Variants in KIAA1210 observed in about 807,000 individuals in gnomAD.
KIAA1210 encodes the protein KIAA1210.
A neutral mutation model predicts 78.9 loss-of-function variants in KIAA1210; 48 were observed. The observed-to-expected ratio is 0.61, with a 90% CI of 0.48 to 0.77. The LOEUF (loss-of-function observed/expected upper bound fraction) is 0.77, where lower values mean the gene tolerates loss of function less well. Among genes scored for constraint, KIAA1210 ranks in the 30% least tolerant of loss-of-function variants. The pLI is 0.00. For synonymous variants in KIAA1210, 406 were observed against 404.5 expected (o/e 1.00, Z -0.04); for missense variants, 1,108 against 1,100.0 (o/e 1.01, Z -0.10).
Position 119,088,541 on chromosome X carries a change from T to C in KIAA1210, c.2161A>G (p.Asn721Asp). 8.3e-7 allele frequency: 1 copy of C among 1,211,109 alleles called. No individual in the cohort carries two copies. Among genetic ancestry groups the C allele is most frequent in the East Asian group, 3.0e-5 (1 of 33,834 alleles). Reference protein sequence around the residue: ...NQQEVSSASNNTPEEQNDFMQ... With the variant: ...NQQEVSSASNDTPEEQNDFMQ... ...AAATCATTCTGCTCTTCAGGAGTAT[T>C]ATTTGAAGCAGAGGAGACTTCTTGT... Residue 721 changes from asparagine (N) to aspartate (D), a missense_variant, in exon 9 of 12, where the codon AAT (asparagine) becomes GAT (aspartate). This residue lies in a region of KIAA1210 where 672 missense variants were observed against 607.1 expected (regional missense o/e 1.11). Transcript: ENST00000691062.
chrX:119,094,784 A>G (rs772821874), intron 7 of KIAA1210, among the ~76,000 whole-genome samples: 21 of 111,432 alleles, frequency 1.9e-4, no homozygotes, highest in Non-Finnish European at 3.4e-4. Context: ...CACAGGGAAG[A>G]AGTGGATGCT....
intron 5 of KIAA1210, 78 bp from the exon 6 acceptor site, chrX:119,105,225 T>TAAAG: frequency 2.0e-6 from 2 of 977,202 alleles, no homozygotes; most frequent in Non-Finnish European, 2.7e-6. Flanking sequence ...TCTTATTCTT[T>TAAAG]AATAAGAGTA....
chrX:119,079,358 C>T lies in KIAA1210; in HGVS notation c.*1971G>A, dbSNP rs1021882867. 2 of 111,862 alleles carry T rather than the reference C, an allele frequency of 1.8e-5. No homozygotes were observed. Among genetic ancestry groups the T allele is most frequent in the Non-Finnish European group, 1.9e-5 (1 of 53,132 alleles). The allele number at this position is 111,862 out of a possible 1,213,427, so 9.2% of individuals were successfully genotyped here. A position where few individuals can be genotyped will look rare whatever the true frequency, so the allele number is the denominator to read the frequency against. On this transcript the variant is annotated 3_prime_UTR_variant, in exon 12 of 12. Coordinates refer to ENST00000691062, the MANE Select transcript of KIAA1210 (RefSeq NM_001394962.1). Reference sequence around the variant, plus strand: ...CTACTCAGAAGTCACTTCTGGGTCTCCTAGAAAAATGAGCTAGGTTTACTG... The same window carrying T: ...CTACTCAGAAGTCACTTCTGGGTCTTCTAGAAAAATGAGCTAGGTTTACTG...
intron 2 of KIAA1210, among the ~76,000 whole-genome samples, chrX:119,118,382 G>T (rs1928343125): frequency 1.8e-5 from 2 of 112,010 alleles, no homozygotes; most frequent in Admixed American, 1.9e-4. Context: ...ATGAGAAAGG[G>T]ATCCGTAGTC....
intron 3 of KIAA1210, among the ~76,000 whole-genome samples, chrX:119,109,969 A>G (rs1928019891): frequency 8.9e-6 from 1 of 112,108 alleles, no homozygotes; most frequent in Non-Finnish European, 1.9e-5. Flanking sequence ...CAGAAGAAAG[A>G]TAAAAACAAA....
At position 119,078,692 on chromosome X, in the gene KIAA1210, G is replaced by C. The variant is rs1252349144; in HGVS notation, c.*2637C>G. ...ATCTTAAATCAAAAAAGTTAAAGAA[G>C]TAGAAAAGTTGTCAGAATATGCCTT... is the stretch of plus-strand genomic sequence containing the variant. On this transcript the variant is annotated 3_prime_UTR_variant, in exon 12 of 12. Transcript: ENST00000691062. The C allele has an allele frequency of 8.8e-6, 1 of 113,143 alleles. No homozygotes were observed. Among genetic ancestry groups the C allele is most frequent in the Non-Finnish European group, 1.9e-5 (1 of 53,458 alleles). 9.3% of individuals were successfully genotyped at this position (113,143 alleles called of 1,213,427 possible). A position where few individuals can be genotyped will look rare whatever the true frequency, so the allele number is the denominator to read the frequency against.
At chrX:119,112,357 A>G (rs1348482702) in intron 3 of KIAA1210, among the ~76,000 whole-genome samples, 2 of 111,691 alleles carry the variant, frequency 1.8e-5, no homozygotes, top group Admixed American at 9.5e-5. Flanking sequence ...TGCAAATTAT[A>G]TATCTGATAA....
chrX:119,081,306 C>T lies in KIAA1210; in HGVS notation c.*23G>A, dbSNP rs1376866965. The T allele has an allele frequency of 1.0e-6, 1 of 961,636 alleles. No homozygotes were observed. The highest frequency in any genetic ancestry group is 1.4e-6 in the Non-Finnish European group (1 of 710,419). 79.2% of individuals were successfully genotyped at this position (961,636 alleles called of 1,213,427 possible). A position where few individuals can be genotyped will look rare whatever the true frequency, so the allele number is the denominator to read the frequency against. Reference sequence around the variant, plus strand: ...AAAAAAAAACTAAATAAAATAAATGCTGATGCTCCACACAAGAGCTCTTTA... The same window carrying T: ...AAAAAAAAACTAAATAAAATAAATGTTGATGCTCCACACAAGAGCTCTTTA... On this transcript the variant is annotated 3_prime_UTR_variant, in exon 12 of 12. Coordinates refer to ENST00000691062, the MANE Select transcript of KIAA1210 (RefSeq NM_001394962.1).
chrX:119,125,735 A>ATATATATATAT lies in KIAA1210; in HGVS notation c.-11+1991_-11+1992insATATATATATA, dbSNP rs5903546. Among the ~76,000 whole-genome samples, 16 of 15,792 alleles carry ATATATATATAT rather than the reference A, an allele frequency of 1.0e-3. 2 individuals are homozygous for ATATATATATAT. Among genetic ancestry groups the ATATATATATAT allele is most frequent in the African/African-American group, 2.9e-3 (11 of 3,843 alleles). The allele number at this position is 15,792 out of a possible 115,157, so 13.7% of individuals were successfully genotyped here. On this transcript the variant is annotated intron_variant, in intron 1 of 11. Coordinates refer to ENST00000691062, the MANE Select transcript of KIAA1210 (RefSeq NM_001394962.1). Reference sequence around the variant, plus strand: ...AATACATATATATATATATATATATATTTTTTTTTTTTTTTTTTTGGAGAG... The same window carrying ATATATATATAT: ...AATACATATATATATATATATATATATATATATATATTTTTTTTTTTTTTTTTTTTGGAGAG...
At chrX:119,110,987 A>G (rs1310302565) in intron 3 of KIAA1210, among the ~76,000 whole-genome samples, 2 of 111,109 alleles carry the variant, frequency 1.8e-5, no homozygotes, top group African/African-American at 6.5e-5. Context: ...CAAATAGCCA[A>G]AATAATCTTG....
At chrX:119,130,559 G>A (rs1928765699), upstream of KIAA1210, among the ~76,000 whole-genome samples, 1 of 112,672 alleles carries the variant, frequency 8.9e-6, no homozygotes, top group Admixed American at 9.4e-5. Context: ...ATATATTTTT[G>A]TGGATGGATG....
At chrX:119,131,600 A>G (rs1928792659), upstream of KIAA1210, among the ~76,000 whole-genome samples, 1 of 112,796 alleles carries the variant, frequency 8.9e-6, no homozygotes, top group Admixed American at 9.3e-5. Context: ...GAGTAAATAA[A>G]AGGAGGATTT....
chrX:119,083,785 C>T (rs986781265), intron 10 of KIAA1210, among the ~76,000 whole-genome samples: 1 of 109,800 alleles, frequency 9.1e-6, no homozygotes, highest in Non-Finnish European at 1.9e-5. Flanking sequence ...CCCAGGAGTT[C>T]AAGACCAGCC....
At chrX:119,090,048 A>G (rs779341124) in intron 8 of KIAA1210, among the ~76,000 whole-genome samples, 1 of 111,846 alleles carries the variant, frequency 8.9e-6, no homozygotes, top group Non-Finnish European at 1.9e-5. Flanking sequence ...TGAACCTGTA[A>G]CAATGACTAC....
chrX:119,094,016 T>G lies in KIAA1210; in HGVS notation c.847-241A>C, dbSNP rs764818227. 5.0e-6 allele frequency: 6 copies of G among 1,202,360 alleles called. No individual in the cohort carries two copies. In the Admixed American group the frequency reaches 1.3e-4, roughly 26 times the overall value. On this transcript the variant is annotated intron_variant, in intron 7 of 11. Coordinates refer to ENST00000691062, the MANE Select transcript of KIAA1210 (RefSeq NM_001394962.1). ...GAAGTGGTTCATCCAGGTTTGGAGT[T>G]TCTAATGTCTGAGTGACACACTGCA...
intron 10 of KIAA1210, 129 bp downstream of exon 10, chrX:119,085,254 A>T: frequency 1.7e-6 from 1 of 602,812 alleles, no homozygotes; most frequent in Non-Finnish European, 2.6e-6. Flanking sequence ...TTCCCTGAAG[A>T]GTCCTCCTGC....
chrX:119,088,469 G>A lies in KIAA1210; in HGVS notation c.2233C>T (p.Pro745Ser), dbSNP rs991049266. The change falls in exon 9 of 12, where the codon CCT (proline) becomes TCT (serine). Residue 745 changes from proline (P) to serine (S), a missense_variant. Coordinates refer to ENST00000691062, the MANE Select transcript of KIAA1210 (RefSeq NM_001394962.1). ...GTGGGGACTTGTTGCTGAACAGTAGGATTCATAATGGGCTGAGAAGGGCAT... is the reference window on the plus strand; with the variant it reads ...GTGGGGACTTGTTGCTGAACAGTAGAATTCATAATGGGCTGAGAAGGGCAT... ...SRCPSQPIMNPTVQQQVPTSS... is the reference protein window; with the variant it reads ...SRCPSQPIMNSTVQQQVPTSS... 2 of 1,211,070 alleles carry A rather than the reference G, an allele frequency of 1.7e-6. No homozygotes were observed. The highest frequency in any genetic ancestry group is 3.5e-5 in the African/African-American group (2 of 57,740).
rs781233594 is a variant in KIAA1210 at position 119,081,445 on chromosome X, A to G, written c.4486T>C (p.Ser1496Pro). The G allele has an allele frequency of 5.0e-6, 6 of 1,210,144 alleles. No homozygotes were observed. The South Asian group carries it at 8.8e-5, about 18-fold the overall frequency. ...VPAMEKETKR[S>P]STLPAKFQNP... ...TGGAACTTGGCTGGGAGAGTTGAAG[A>G]TCGTTTGGTTTCTTTTTCCATGGCA... is the stretch of plus-strand genomic sequence containing the variant. Residue 1496 changes from serine to proline, a missense_variant, in exon 12 of 12, where the codon TCT becomes CCT. Ser to Pro is a moderately conservative substitution (Grantham distance 74). Transcript: ENST00000691062.
rs917317033 is a variant in KIAA1210 at position 119,100,571 on chromosome X, C to T, written c.649-3880G>A. On this transcript the variant is annotated intron_variant, in intron 6 of 11. Transcript: ENST00000691062. ...CCAATCTGCATATTATTTTTTCGTT[C>T]GTATAAATCTAAGGGGTAGAAGCGT... Among the ~76,000 whole-genome samples, 4 of 111,174 alleles carry T rather than the reference C, an allele frequency of 3.6e-5. 1 individual carries two copies. Among genetic ancestry groups the T allele is most frequent in the African/African-American group, 1.3e-4 (4 of 30,562 alleles).
Sources: allele counts gnomAD v4.1 joint callset (sites outside exome capture counted in the v4.1 genomes callset), GRCh38; gene constraint gnomAD v4.1.1; regional missense constraint gnomAD v4.1.1; transcripts MANE v1.5; gene names NCBI Gene and HGNC (gene_info 2026-07-23, HGNC 2026-07-21).